The following ERC2 variants were observed in gnomAD, a reference collection of about 807,000 sequenced individuals.
The protein encoded by ERC2 is ERC protein 2.
A neutral mutation model predicts 114.8 loss-of-function variants in ERC2; 42 were observed. That is an observed-to-expected ratio of 0.37 (90% CI 0.29 to 0.47). The LOEUF (loss-of-function observed/expected upper bound fraction) is 0.47. Ranked by LOEUF, ERC2 falls within the 20% of genes least tolerant of loss-of-function variation. ERC2 has a pLI of 0.99. For missense variants in ERC2, 939 were observed against 1,150.7 expected (o/e 0.82, Z 2.66); for synonymous variants, 454 against 425.5 (o/e 1.07, Z -0.82).
rs1458128081 is a variant in ERC2, at chr3:55,720,255, CTCTCTCTG to C, written c.2712+14508_2712+14515del. 2.9e-4 allele frequency among the ~76,000 whole-genome samples: 20 copies of C among 69,234 alleles called. 5 individuals carry two copies. The highest frequency in any genetic ancestry group is 7.8e-4 in the African/African-American group (10 of 12,740). 45.4% of individuals were successfully genotyped at this position (69,234 alleles called of 152,430 possible). On this transcript the variant is annotated intron_variant, in intron 15 of 17. Coordinates refer to ENST00000288221, the MANE Select transcript of ERC2 (RefSeq NM_015576.3). ...TTCTTCTTCTTCTCTCTCTCTCTCT[CTCTCTCTG>C]TCTATCTCTCTGCCCCTCCCTCCCT... is the stretch of plus-strand genomic sequence containing the variant.
At position 55,548,510 on chromosome 3, in the gene ERC2, C is replaced by A. The variant is rs17055467; in HGVS notation, c.*40-37234G>T. Among the ~76,000 whole-genome samples, 1,502 of 152,288 alleles carry A rather than the reference C, an allele frequency of 9.9e-3. 22 individuals carry two copies. The highest frequency in any genetic ancestry group is 0.034 in the African/African-American group (1,396 of 41,550). ...TTGCCCCATGTGCCACACTTGCTCT[C>A]ACTTAAGTCCCTATCTTCTGGGCTA... On this transcript the variant is annotated intron_variant, in intron 17 of 17. Coordinates refer to ENST00000288221, the MANE Select transcript of ERC2 (RefSeq NM_015576.3).
At chr3:56,323,112 C>A (rs2057201925) in intron 2 of ERC2, among the ~76,000 whole-genome samples, 1 of 152,112 alleles carries the variant, frequency 6.6e-6, no homozygotes, top group Non-Finnish European at 1.5e-5. Flanking sequence ...GGTAGGCTGA[C>A]CAATCTTGGA....
intron 3 of ERC2, among the ~76,000 whole-genome samples, chr3:56,235,326 A>G (rs1051446074): frequency 2.6e-5 from 4 of 152,200 alleles, no homozygotes; most frequent in African/African-American, 9.7e-5. Flanking sequence ...ATAATTACAC[A>G]AACAGTTGTA....
chr3:55,613,102 T>C (rs1446207162), intron 17 of ERC2: 1 of 152,230 alleles, frequency 6.6e-6, no homozygotes. Context: ...TCTGGAGCAT[T>C]GTAAATAAAC....
intron 7 of ERC2, among the ~76,000 whole-genome samples, chr3:56,052,931 A>C (rs1178561200): frequency 1.3e-5 from 2 of 151,974 alleles, no homozygotes; most frequent in Admixed American, 1.3e-4. Flanking sequence ...TCTTTCCCAC[A>C]CTCTTCAGGT....
At chr3:56,225,697 C>T (rs11709589) in intron 3 of ERC2, among the ~76,000 whole-genome samples, 69,002 of 152,050 alleles carry the variant, frequency 0.45, 16,115 homozygotes, top group East Asian at 0.71. Context: ...GATGCATGTT[C>T]TCCCTCATTA....
intron 17 of ERC2, among the ~76,000 whole-genome samples, chr3:55,637,736 C>G (rs1381449956): frequency 2.0e-5 from 3 of 152,098 alleles, no homozygotes; most frequent in African/African-American, 7.2e-5. Flanking sequence ...AGAACCTGCT[C>G]TCTCTATCGA....
intron 17 of ERC2, among the ~76,000 whole-genome samples, chr3:55,588,673 C>T (rs559688623): frequency 2.6e-5 from 4 of 152,220 alleles, no homozygotes; most frequent in East Asian, 3.9e-4. Context: ...AAACTGATCC[C>T]GAGACAGAGA....
intron 12 of ERC2, among the ~76,000 whole-genome samples, chr3:55,964,389 G>A (rs1425876657): frequency 2.0e-5 from 3 of 151,642 alleles, no homozygotes; most frequent in East Asian, 1.9e-4. Context: ...ACATTACTGA[G>A]GCCTTGGCCA....
chr3:55,769,899 T>C (rs2068071447), intron 14 of ERC2, among the ~76,000 whole-genome samples: 1 of 152,124 alleles, frequency 6.6e-6, no homozygotes, highest in Non-Finnish European at 1.5e-5. Context: ...CATGTTGTCA[T>C]TCACAATTAT....
chr3:56,271,339 T>C (rs1048289822), intron 3 of ERC2, among the ~76,000 whole-genome samples: 1 of 152,188 alleles, frequency 6.6e-6, no homozygotes, highest in Non-Finnish European at 1.5e-5. Flanking sequence ...CACCTGGAGA[T>C]ATGGTTATGC....
chr3:56,427,260 T>TTTGGTTGG (rs113604327), intron 2 of ERC2, among the ~76,000 whole-genome samples: 7 of 140,316 alleles, frequency 5.0e-5, no homozygotes, highest in African/African-American at 2.1e-4. Flanking sequence ...GGATTTTTTG[T>TTTGGTTGG]TTGGTTGGTT....
chr3:56,058,191 A>C (rs2076093846), intron 7 of ERC2, among the ~76,000 whole-genome samples: 1 of 152,210 alleles, frequency 6.6e-6, no homozygotes, highest in Non-Finnish European at 1.5e-5. Context: ...ACCCCTCCTG[A>C]ACCCATGCCT....
At chr3:55,735,617 G>A (rs980277102) in intron 14 of ERC2, among the ~76,000 whole-genome samples, 1 of 152,106 alleles carries the variant, frequency 6.6e-6, no homozygotes, top group Non-Finnish European at 1.5e-5. Flanking sequence ...ACCCCTTAAT[G>A]CCCCTGCCTT....
chr3:55,851,652 T>C lies in ERC2; in HGVS notation c.2564+36737A>G, dbSNP rs112924576. 3.2e-3 allele frequency among the ~76,000 whole-genome samples: 489 copies of C among 152,288 alleles called. 2 individuals are homozygous for C. The highest frequency in any genetic ancestry group is 0.011 in the African/African-American group (467 of 41,552). On this transcript the variant is annotated intron_variant, in intron 14 of 17. Transcript: ENST00000288221. ...ATCTAGAGTTTTAAAAAATAGTTTT[T>C]ATTATAAATACATATTTTTTGCTTT...
chr3:55,928,438 T>C (rs529771746), intron 13 of ERC2, among the ~76,000 whole-genome samples: 1 of 152,322 alleles, frequency 6.6e-6, no homozygotes, highest in East Asian at 1.9e-4. Context: ...TCACGTCTTT[T>C]GCCCATTTTT....
intron 4 of ERC2, among the ~76,000 whole-genome samples, chr3:56,155,114 T>C (rs530784767): frequency 5.9e-5 from 9 of 152,264 alleles, no homozygotes; most frequent in African/African-American, 2.2e-4. Context: ...CGCACATATC[T>C]ATTACTTTTT....
intron 17 of ERC2, among the ~76,000 whole-genome samples, chr3:55,623,765 G>C (rs1319068475): frequency 1.3e-5 from 2 of 152,222 alleles, no homozygotes; most frequent in African/African-American, 4.8e-5. Context: ...CGACACAGCA[G>C]TAGGGTCCTG....
intron 13 of ERC2, among the ~76,000 whole-genome samples, chr3:55,906,628 T>C (rs1430842157): frequency 1.3e-5 from 2 of 152,186 alleles, no homozygotes; most frequent in Non-Finnish European, 2.9e-5. Flanking sequence ...TTCTGATGCA[T>C]GTTCAAGTTC....
Sources: allele counts gnomAD v4.1 joint callset (sites outside exome capture counted in the v4.1 genomes callset), GRCh38; gene constraint gnomAD v4.1.1; transcripts MANE v1.5; gene names NCBI Gene and HGNC (gene_info 2026-07-23, HGNC 2026-07-21).